GPR158: variants seen among roughly 807,000 people sequenced by gnomAD.
GPR158 encodes the protein metabotropic glycine receptor.
A neutral mutation model predicts 78.2 loss-of-function variants in GPR158; 30 were observed. The observed-to-expected ratio is 0.38, with a 90% CI of 0.29 to 0.52. The LOEUF (loss-of-function observed/expected upper bound fraction) is 0.52. Ranked by LOEUF, GPR158 falls within the 20% of genes least tolerant of loss-of-function variation. The pLI is 0.83. For synonymous variants in GPR158, 581 were observed against 591.1 expected, an observed-to-expected ratio of 0.98 and a Z score of 0.25; for missense variants, 1,463 against 1,523.5, an observed-to-expected ratio of 0.96 and a Z score of 0.66.
intron 2 of GPR158, among the ~76,000 whole-genome samples, chr10:25,292,961 G>A (rs1255592751): frequency 6.6e-6 from 1 of 152,160 alleles, no homozygotes; most frequent in Admixed American, 6.5e-5. Flanking sequence ...TCAGTCACAG[G>A]GAGTTGGATG....
chr10:25,241,010 C>T (rs937850844), intron 2 of GPR158, among the ~76,000 whole-genome samples: 3 of 152,132 alleles, frequency 2.0e-5, no homozygotes, highest in African/African-American at 7.2e-5. Flanking sequence ...GTGGTGATTT[C>T]TGAACATAAT....
intron 2 of GPR158, among the ~76,000 whole-genome samples, chr10:25,392,378 T>G (rs1423121332): frequency 6.6e-6 from 1 of 152,184 alleles, no homozygotes; most frequent in Admixed American, 6.5e-5. Flanking sequence ...TCCAGGCTGG[T>G]AGCAGGAGCC....
intron 2 of GPR158, among the ~76,000 whole-genome samples, chr10:25,337,109 A>G (rs1049898667): frequency 2.0e-5 from 3 of 152,162 alleles, no homozygotes; most frequent in Non-Finnish European, 4.4e-5. Flanking sequence ...TCAAAGAGAA[A>G]TAGAACCACT....
intron 5 of GPR158, among the ~76,000 whole-genome samples, chr10:25,508,779 C>A (rs1018386235): frequency 6.6e-6 from 1 of 152,124 alleles, no homozygotes; most frequent in African/African-American, 2.4e-5. Flanking sequence ...GGAAAGAAGA[C>A]CTTATTGCAA....
chr10:25,557,787 CTG>C (rs1027509193), intron 6 of GPR158, among the ~76,000 whole-genome samples: 11 of 152,198 alleles, frequency 7.2e-5, no homozygotes, highest in African/African-American at 2.7e-4. Context: ...CATATAAAAT[CTG>C]TAACATCAAT....
intron 4 of GPR158, among the ~76,000 whole-genome samples, chr10:25,443,245 T>C (rs539335702): frequency 6.6e-6 from 1 of 152,234 alleles, no homozygotes; most frequent in South Asian, 2.1e-4. Flanking sequence ...ACTGCCATGC[T>C]TGGCTATTAA....
intron 4 of GPR158, among the ~76,000 whole-genome samples, chr10:25,438,009 G>A (rs1773658): frequency 0.7 from 106,289 of 152,050 alleles, 38,154 homozygotes; most frequent in Non-Finnish European, 0.8. Flanking sequence ...CGGGAATAGG[G>A]TCCTGAGTGC....
chr10:25,392,833 T>TA (rs1254663162), intron 2 of GPR158, among the ~76,000 whole-genome samples: 1 of 151,998 alleles, frequency 6.6e-6, no homozygotes, highest in African/African-American at 2.4e-5. Flanking sequence ...TAAAAAAAAA[T>TA]AAGCCAAGAC....
At chr10:25,495,193 C>T (rs1241738515) in intron 5 of GPR158, among the ~76,000 whole-genome samples, 7 of 148,884 alleles carry the variant, frequency 4.7e-5, no homozygotes, top group Non-Finnish European at 1.0e-4. Context: ...GGAACAAATT[C>T]AGTTTACCGA....
intron 2 of GPR158, among the ~76,000 whole-genome samples, chr10:25,386,551 T>G (rs1834224666): frequency 6.6e-6 from 1 of 151,856 alleles, no homozygotes; most frequent in Non-Finnish European, 1.5e-5. Context: ...TTAACAATAT[T>G]AAGTCTTTCA....
At chr10:25,493,748 C>G (rs901220652) in intron 5 of GPR158, among the ~76,000 whole-genome samples, 1 of 152,120 alleles carries the variant, frequency 6.6e-6, no homozygotes, top group Non-Finnish European at 1.5e-5. Context: ...AATTAAGTGT[C>G]TATAGTAAAA....
intron 5 of GPR158, among the ~76,000 whole-genome samples, chr10:25,485,599 T>A (rs1386319187): frequency 6.6e-6 from 1 of 152,194 alleles, no homozygotes; most frequent in Admixed American, 6.5e-5. Context: ...GTCATTATTT[T>A]ATATGAATAG....
At position 25,176,884 on chromosome 10, in the gene GPR158, C is replaced by T. The variant is rs74123697; in HGVS notation, c.902+562C>T. 0.045 allele frequency among the ~76,000 whole-genome samples: 6,870 copies of T among 152,262 alleles called. 444 individuals are homozygous for T. Among genetic ancestry groups the T allele is most frequent in the African/African-American group, 0.14 (5,719 of 41,524 alleles). On this transcript the variant is annotated intron_variant, in intron 1 of 10. Coordinates refer to ENST00000376351, the MANE Select transcript of GPR158 (RefSeq NM_020752.3). This position sits in a 1 kb window ranked among gnomAD's most constrained non-coding sequence, Gnocchi z 6.3. Reference sequence around the variant, plus strand: ...TGTGCCATCTCCTCGCAGTTCCGGCCCCTCAGCAGTGAGTCAGTCCCAGCA... The same window carrying T: ...TGTGCCATCTCCTCGCAGTTCCGGCTCCTCAGCAGTGAGTCAGTCCCAGCA...
chr10:25,552,488 T>C lies in GPR158; in HGVS notation c.1514+1403T>C, dbSNP rs183500005. 9.2e-5 allele frequency among the ~76,000 whole-genome samples: 14 copies of C among 152,260 alleles called. No homozygotes were observed. The East Asian group carries it at 1.8e-3, about 19-fold the overall frequency. ...AAGATAAACTCTGTCCCTGTTAGTC[T>C]AGCATTTAGTGTCTAGTGGGTCCTC... On this transcript the variant is annotated intron_variant, in intron 6 of 10. Transcript: ENST00000376351.
At position 25,211,396 on chromosome 10, in the gene GPR158, G is replaced by C. The variant is rs575553792; in HGVS notation, c.903-9656G>C. ...CCATTGTTGGGAGGCCACACGTGGT[G>C]AGGGTCTTGTTGCTGTGTCATCTTG... On this transcript the variant is annotated intron_variant, in intron 1 of 10. Transcript: ENST00000376351. Among the ~76,000 whole-genome samples the C allele has an allele frequency of 6.6e-5, 10 of 152,314 alleles. No individual in the cohort carries two copies. In the South Asian group the frequency reaches 1.5e-3, roughly 22 times the overall value.
chr10:25,378,981 G>A (rs1834120126), intron 2 of GPR158, among the ~76,000 whole-genome samples: 1 of 152,006 alleles, frequency 6.6e-6, no homozygotes, highest in South Asian at 2.1e-4. Context: ...TTCTGAGATG[G>A]GGTCTCACCG....
rs1480550463 is a variant in GPR158, at chr10:25,370,082, C to T, written c.1009-25829C>T. Among the ~76,000 whole-genome samples, 374 of 149,140 alleles carry T rather than the reference C, an allele frequency of 2.5e-3. 1 individual carries two copies. The highest frequency in any genetic ancestry group is 0.017 in the Middle Eastern group (5 of 294). On this transcript the variant is annotated intron_variant, in intron 2 of 10. Coordinates refer to ENST00000376351, the MANE Select transcript of GPR158 (RefSeq NM_020752.3). The stretch of plus-strand genomic sequence containing the variant: ...TTTTTTTCTTTATTAGTCTTGCTAG[C>T]GGTCTATCAATTTTGTTGATCTTTT...
chr10:25,406,707 C>T (rs1834520467), intron 3 of GPR158, among the ~76,000 whole-genome samples: 1 of 152,030 alleles, frequency 6.6e-6, no homozygotes, highest in Non-Finnish European at 1.5e-5. Flanking sequence ...TTTTCTTTTC[C>T]ATCTGGCTTA....
intron 3 of GPR158, among the ~76,000 whole-genome samples, chr10:25,411,491 T>C (rs1834583648): frequency 6.6e-6 from 1 of 152,164 alleles, no homozygotes; most frequent in Non-Finnish European, 1.5e-5. Flanking sequence ...TTCTGGGCTA[T>C]CTAGGTCAAG....
Sources: allele counts gnomAD v4.1 joint callset (sites outside exome capture counted in the v4.1 genomes callset), GRCh38; gene constraint gnomAD v4.1.1; non-coding constraint Gnocchi (gnomAD v3.1); transcripts MANE v1.5; gene names NCBI Gene and HGNC (gene_info 2026-07-23, HGNC 2026-07-21).